The following SFMBT1 variants were observed in gnomAD, a reference collection of about 807,000 sequenced individuals.
SFMBT1 encodes scm-like with four MBT domains protein 1.
SFMBT1 carries 32 observed loss-of-function variants against 108.7 expected under a neutral mutation model. The observed-to-expected ratio is 0.29, with a 90% CI of 0.22 to 0.40. The LOEUF is 0.40. Among genes scored for constraint, SFMBT1 ranks in the 10% least tolerant of loss-of-function variants. The pLI is 1.00. For synonymous variants in SFMBT1, 348 were observed against 369.5 expected, an observed-to-expected ratio of 0.94 and a Z score of 0.67; for missense variants, 816 against 1,059.6, an observed-to-expected ratio of 0.77 and a Z score of 3.19.
Position 52,932,166 on chromosome 3 carries a change from A to G in SFMBT1, c.596T>C (p.Leu199Pro). The G allele has an allele frequency of 6.2e-7, 1 of 1,614,218 alleles. No individual in the cohort carries two copies. The highest frequency in any genetic ancestry group is 8.5e-7 in the Non-Finnish European group (1 of 1,180,042). ...ATGTTCATAATTGTCAGAACTTTCA[A>G]GTCCTTCATAACGTAGCTTCAGCCT... is the stretch of plus-strand genomic sequence containing the variant. ...GGRLKLRYEG[L>P]ESSDNYEHWL... The change falls in exon 6 of 21, where the codon CTT (leucine) becomes CCT (proline). Residue 199 changes from leucine (L) to proline (P), a missense_variant. Physicochemically the swap from Leu to Pro is moderately conservative, Grantham distance 98 (BLOSUM62 -3). Transcript: ENST00000394752.
chr3:52,970,510 A>G (rs1704301922), intron 1 of SFMBT1, among the ~76,000 whole-genome samples: 1 of 152,240 alleles, frequency 6.6e-6, no homozygotes, highest in African/African-American at 2.4e-5. Context: ...AATCTAAGAT[A>G]TTATCTTAAT....
At chr3:53,002,222 A>T (rs1698582033) in intron 1 of SFMBT1, among the ~76,000 whole-genome samples, 1 of 149,028 alleles carries the variant, frequency 6.7e-6, no homozygotes, top group Admixed American at 6.8e-5. Context: ...AACACGGCGA[A>T]ACCTGTCTCT....
At chr3:53,043,024 T>C (rs1473841737) in intron 1 of SFMBT1, 4 of 152,248 alleles carry the variant, frequency 2.6e-5, no homozygotes, top group African/African-American at 4.8e-5. Context: ...CTATTCCCCA[T>C]GGATCCCTAC....
chr3:52,997,512 G>A (rs1698380110), intron 1 of SFMBT1, among the ~76,000 whole-genome samples: 1 of 149,414 alleles, frequency 6.7e-6, no homozygotes, highest in Non-Finnish European at 1.5e-5. Flanking sequence ...CTCCAGCCTG[G>A]GTGACAGAGC....
intron 1 of SFMBT1, among the ~76,000 whole-genome samples, chr3:53,040,308 G>C (rs6765981): frequency 0.017 from 2,543 of 152,290 alleles, 73 homozygotes; most frequent in African/African-American, 0.058. Context: ...CTGAGTACTT[G>C]TTGGCTAACA....
chr3:53,030,360 G>A (rs1699640169), intron 1 of SFMBT1, among the ~76,000 whole-genome samples: 1 of 151,908 alleles, frequency 6.6e-6, no homozygotes, highest in African/African-American at 2.4e-5. Flanking sequence ...GCCTACAGAA[G>A]GGACTGAGGA....
rs572785214 is a variant in SFMBT1, at chr3:53,015,888, A to C, written c.-131+29928T>G. Among the ~76,000 whole-genome samples the C allele has an allele frequency of 2.6e-5, 4 of 152,328 alleles. No homozygotes were observed. The South Asian group carries it at 8.3e-4, about 32-fold the overall frequency. ...GTTACACTACCCTGTAAATATACTG[A>C]AAACCAATGAATTGTATACTTTAAG... is the stretch of plus-strand genomic sequence containing the variant. On this transcript the variant is annotated intron_variant, in intron 1 of 20. Transcript: ENST00000394752.
chr3:53,029,233 G>A (rs1220300135), intron 1 of SFMBT1, among the ~76,000 whole-genome samples: 1 of 138,776 alleles, frequency 7.2e-6, no homozygotes, highest in East Asian at 2.1e-4. Flanking sequence ...GGGAGAAAAA[G>A]AATAGACTAC....
At chr3:52,940,591 T>C (rs1163399174) in intron 4 of SFMBT1, among the ~76,000 whole-genome samples, 7 of 152,176 alleles carry the variant, frequency 4.6e-5, no homozygotes, top group Admixed American at 6.5e-5. Context: ...TTCTATAGTA[T>C]AGTAGAAAGC....
chr3:52,951,553 A>ATTAC (rs1703593753), intron 3 of SFMBT1, among the ~76,000 whole-genome samples: 1 of 119,302 alleles, frequency 8.4e-6, no homozygotes, highest in African/African-American at 2.8e-5. Context: ...AGTAGCTGGG[A>ATTAC]TTACAGGTGC....
At chr3:52,916,702 C>A (rs58412350) in intron 13 of SFMBT1, among the ~76,000 whole-genome samples, 72,781 of 150,222 alleles carry the variant, frequency 0.48, 18,133 homozygotes, top group East Asian at 0.6. Context: ...ACAACAACAA[C>A]AACAAAAAAC....
chr3:52,961,556 C>T (rs995137066), intron 2 of SFMBT1, among the ~76,000 whole-genome samples: 1 of 152,092 alleles, frequency 6.6e-6, no homozygotes, highest in Non-Finnish European at 1.5e-5. Context: ...TGCAAGACCC[C>T]ACCGCTTTAA....
intron 1 of SFMBT1, among the ~76,000 whole-genome samples, chr3:53,042,425 G>A (rs1419382494): frequency 2.0e-5 from 3 of 152,162 alleles, no homozygotes; most frequent in African/African-American, 7.2e-5. Flanking sequence ...CTGCAGCCTC[G>A]AACTCCTGGG....
At chr3:53,014,365 G>T (rs1251572393) in intron 1 of SFMBT1, among the ~76,000 whole-genome samples, 1 of 152,138 alleles carries the variant, frequency 6.6e-6, no homozygotes, top group African/African-American at 2.4e-5. Context: ...AGCACTTTGG[G>T]AGGCTGAGGC....
At chr3:52,912,711 G>T (rs1002240090) in intron 15 of SFMBT1, 64 bp from the exon 16 acceptor site, 12 of 1,150,800 alleles carry the variant, frequency 1.0e-5, no homozygotes, top group Middle Eastern at 4.9e-4. Context: ...TTAGAATCTT[G>T]TCATCTCTTC....
chr3:52,990,892 G>A (rs1705099702), intron 1 of SFMBT1, among the ~76,000 whole-genome samples: 1 of 152,158 alleles, frequency 6.6e-6, no homozygotes, highest in Non-Finnish European at 1.5e-5. Flanking sequence ...ATGAAGTGGG[G>A]TGAAGTATAA....
At chr3:53,016,832 TC>T (rs968153010) in intron 1 of SFMBT1, among the ~76,000 whole-genome samples, 2 of 152,218 alleles carry the variant, frequency 1.3e-5, no homozygotes, top group African/African-American at 4.8e-5. Context: ...GCTTTTTGCC[TC>T]TTATTTTAAG....
intron 3 of SFMBT1, among the ~76,000 whole-genome samples, chr3:52,949,682 G>T (rs899102241): frequency 3.5e-5 from 5 of 144,668 alleles, no homozygotes; most frequent in South Asian, 2.3e-4. Flanking sequence ...AGATTCAAGC[G>T]ATTCTCCTGC....
At position 52,941,322 on chromosome 3, in the gene SFMBT1, G is replaced by A. The variant is rs192783534; in HGVS notation, c.364+2031C>T. Among the ~76,000 whole-genome samples, 365 of 152,240 alleles carry A rather than the reference G, an allele frequency of 2.4e-3. 1 individual carries two copies. Among genetic ancestry groups the A allele is most frequent in the African/African-American group, 7.7e-3 (321 of 41,558 alleles). On this transcript the variant is annotated intron_variant, in intron 4 of 20. Coordinates refer to ENST00000394752, the MANE Select transcript of SFMBT1 (RefSeq NM_016329.4). The stretch of plus-strand genomic sequence containing the variant: ...TAAAAAAGAGTTATTGGCCAGGCGC[G>A]GTGGCTCACGCCTGTAATCCCAGCA...
Sources: allele counts gnomAD v4.1 joint callset (sites outside exome capture counted in the v4.1 genomes callset), GRCh38; gene constraint gnomAD v4.1.1; transcripts MANE v1.5; gene names NCBI Gene and HGNC (gene_info 2026-07-23, HGNC 2026-07-21).